The following RABGAP1L variants were observed in gnomAD, a reference collection of about 807,000 sequenced individuals.
The protein encoded by RABGAP1L is rab GTPase-activating protein 1-like.
Under a neutral mutation model 137.7 loss-of-function variants are expected in RABGAP1L, and 63 were observed. The ratio of observed to expected loss-of-function variants is 0.46; its 90% CI spans 0.37 to 0.56. The LOEUF (loss-of-function observed/expected upper bound fraction) is 0.56. Ranked by LOEUF, RABGAP1L falls within the 20% of genes least tolerant of loss-of-function variation. The pLI is 0.00. For missense variants in RABGAP1L, 1,095 were observed against 1,244.0 expected (o/e 0.88, Z 1.80); for synonymous variants, 431 against 433.7 (o/e 0.99, Z 0.08).
intron 22 of RABGAP1L, among the ~76,000 whole-genome samples, chr1:174,976,877 G>A (rs1161095333): frequency 6.6e-6 from 1 of 152,214 alleles, no homozygotes; most frequent in East Asian, 1.9e-4. Flanking sequence ...GGAAGAACAT[G>A]CTGCTTCATC....
At chr1:174,370,473 T>TC (rs1685020708) in intron 11 of RABGAP1L, among the ~76,000 whole-genome samples, 1 of 147,484 alleles carries the variant, frequency 6.8e-6, no homozygotes, top group Admixed American at 6.7e-5. Flanking sequence ...CTTTTTTTTT[T>TC]TTTTTTTTTT....
At chr1:174,899,797 A>G (rs946469277) in intron 19 of RABGAP1L, among the ~76,000 whole-genome samples, 3 of 152,212 alleles carry the variant, frequency 2.0e-5, no homozygotes, top group Non-Finnish European at 4.4e-5. Context: ...TTTTTTAAGC[A>G]TAGAAAATGA....
chr1:174,469,409 C>T (rs1294198194), intron 13 of RABGAP1L, among the ~76,000 whole-genome samples: 1 of 152,118 alleles, frequency 6.6e-6, no homozygotes, highest in African/African-American at 2.4e-5. Context: ...GAAGTATAAA[C>T]GTGGACAGTT....
At chr1:174,653,543 C>A (rs1461006709) in intron 14 of RABGAP1L, among the ~76,000 whole-genome samples, 1 of 152,154 alleles carries the variant, frequency 6.6e-6, no homozygotes, top group Non-Finnish European at 1.5e-5. Flanking sequence ...TCCCTGACCC[C>A]TTCACTTCCC....
intron 13 of RABGAP1L, among the ~76,000 whole-genome samples, chr1:174,581,684 AT>A (rs1668759676): frequency 6.6e-6 from 1 of 152,104 alleles, no homozygotes; most frequent in South Asian, 2.1e-4. Context: ...AAACGGGTAA[AT>A]TTTTTCGTAT....
intron 13 of RABGAP1L, among the ~76,000 whole-genome samples, chr1:174,490,113 C>T (rs1469278217): frequency 3.3e-5 from 5 of 151,948 alleles, no homozygotes; most frequent in Admixed American, 6.6e-5. Context: ...TTGGTGAGGT[C>T]ATGCTTTCCT....
In RABGAP1L at chr1:174,686,648, C is replaced by CTTTTTTTTTTTTTTTTTTTT. The variant is rs533716511; in HGVS notation, c.1899+3060_1899+3079dup. Among the ~76,000 whole-genome samples, 4 of 105,770 alleles carry CTTTTTTTTTTTTTTTTTTTT rather than the reference C, an allele frequency of 3.8e-5. 1 individual carries two copies. Among genetic ancestry groups the CTTTTTTTTTTTTTTTTTTTT allele is most frequent in the Non-Finnish European group, 6.3e-5 (3 of 47,678 alleles). 69.4% of individuals were successfully genotyped at this position (105,770 alleles called of 152,430 possible). On this transcript the variant is annotated intron_variant, in intron 15 of 25. Transcript: ENST00000681986. The stretch of plus-strand genomic sequence containing the variant: ...GAAGCTTTGGTTTGAACAAAGCAAT[C>CTTTTTTTTTTTTTTTTTTTT]TTTTTTTTTTTTTTTTTTTTTTTTT...
intron 4 of RABGAP1L, among the ~76,000 whole-genome samples, chr1:174,241,187 G>A (rs907230254): frequency 1.3e-5 from 2 of 152,024 alleles, no homozygotes; most frequent in South Asian, 4.1e-4. Context: ...GGGTGTGATG[G>A]CAGGCACCTG....
intron 1 of RABGAP1L, among the ~76,000 whole-genome samples, chr1:174,202,237 C>T (rs1451775048): frequency 6.6e-6 from 1 of 152,132 alleles, no homozygotes; most frequent in Admixed American, 6.6e-5. Flanking sequence ...CTGACTTCCA[C>T]AATGGTTGAA....
chr1:174,935,569 T>G (rs1217507977), intron 19 of RABGAP1L: 1 of 152,220 alleles, frequency 6.6e-6, no homozygotes, highest in Non-Finnish European at 1.5e-5. Context: ...ACTTTTTAAT[T>G]TATTATCATT....
In RABGAP1L at chr1:174,349,201, G is replaced by A. The variant is rs377705891; in HGVS notation, c.1466-21778G>A. On this transcript the variant is annotated intron_variant, in intron 11 of 25. Coordinates refer to ENST00000681986, the MANE Select transcript of RABGAP1L (RefSeq NM_001366446.1). ...CGGGCAGAGGCGCCCCTCACCTCCC[G>A]GACGGGGCGGCTGGCCGGGCGGGGG... Among the ~76,000 whole-genome samples, 720 of 97,258 alleles carry A rather than the reference G, an allele frequency of 7.4e-3. 32 individuals are homozygous for A. The highest frequency in any genetic ancestry group is 0.066 in the East Asian group (121 of 1,832). 63.8% of individuals were successfully genotyped at this position (97,258 alleles called of 152,430 possible).
At chr1:174,239,785 G>T (rs1356846074) in intron 4 of RABGAP1L, among the ~76,000 whole-genome samples, 1 of 152,190 alleles carries the variant, frequency 6.6e-6, no homozygotes, top group Non-Finnish European at 1.5e-5. Flanking sequence ...TCAAGGAAAT[G>T]AGGTTGAATT....
intron 11 of RABGAP1L, among the ~76,000 whole-genome samples, chr1:174,341,831 T>C (rs1178319409): frequency 6.6e-6 from 1 of 152,180 alleles, no homozygotes; most frequent in African/African-American, 2.4e-5. Context: ...ACATGCAAAG[T>C]AGTCGTATTC....
chr1:174,411,227 C>A (rs1021061517), intron 13 of RABGAP1L, among the ~76,000 whole-genome samples: 1 of 151,988 alleles, frequency 6.6e-6, no homozygotes, highest in Non-Finnish European at 1.5e-5. Flanking sequence ...GGATGCCTTT[C>A]TTTCTCTTGC....
At chr1:174,225,290 T>G (rs992666467) in intron 3 of RABGAP1L, among the ~76,000 whole-genome samples, 2 of 152,136 alleles carry the variant, frequency 1.3e-5, no homozygotes, top group African/African-American at 4.8e-5. Context: ...GTTTTGATAT[T>G]TTTATTCATT....
intron 24 of RABGAP1L, among the ~76,000 whole-genome samples, chr1:174,985,606 G>T (rs541417253): frequency 5.3e-5 from 8 of 152,138 alleles, no homozygotes; most frequent in Admixed American, 3.3e-4. Flanking sequence ...ATAGCTTTTG[G>T]TTTTTTCAGT....
In RABGAP1L at chr1:174,715,197, C is replaced by T. The variant is rs116789230; in HGVS notation, c.2169+12941C>T. 8.8e-3 allele frequency among the ~76,000 whole-genome samples: 1,346 copies of T among 152,184 alleles called. 6 individuals are homozygous for T. Among genetic ancestry groups the T allele is most frequent in the Non-Finnish European group, 0.014 (977 of 68,008 alleles). On this transcript the variant is annotated intron_variant, in intron 17 of 25. Coordinates refer to ENST00000681986, the MANE Select transcript of RABGAP1L (RefSeq NM_001366446.1). Reference sequence around the variant, plus strand: ...AAGTATATGAAATATTTGAATGCTTCCCATTGTCTAGAAACTGTATTGGGA... The same window carrying T: ...AAGTATATGAAATATTTGAATGCTTTCCATTGTCTAGAAACTGTATTGGGA...
At chr1:174,654,437 T>C (rs762776163) in intron 14 of RABGAP1L, among the ~76,000 whole-genome samples, 1 of 152,204 alleles carries the variant, frequency 6.6e-6, no homozygotes, top group Non-Finnish European at 1.5e-5. Flanking sequence ...GAAGTACTTT[T>C]ATTCATAAAA....
chr1:174,412,266 T>A lies in RABGAP1L; in HGVS notation c.1710+18121T>A, dbSNP rs77352359. 3.3e-4 allele frequency among the ~76,000 whole-genome samples: 50 copies of A among 152,296 alleles called. 1 individual carries two copies. The East Asian group carries it at 8.1e-3, about 25-fold the overall frequency. Reference sequence around the variant, plus strand: ...TTTTGTTGGCTTAAAGTGTGTTTTATCTAATATAAGAACAGCCACCCTTGC... The same window carrying A: ...TTTTGTTGGCTTAAAGTGTGTTTTAACTAATATAAGAACAGCCACCCTTGC... On this transcript the variant is annotated intron_variant, in intron 13 of 25. Transcript: ENST00000681986.
Sources: gnomAD v4.1 joint callset for allele counts (sites outside exome capture counted in the v4.1 genomes callset) on GRCh38, gnomAD v4.1.1 for gene constraint, MANE v1.5 for transcripts, NCBI Gene and HGNC (gene_info 2026-07-23, HGNC 2026-07-21) for gene names.